Variants in CEP250 observed in about 807,000 individuals in gnomAD.
CEP250 encodes centrosome-associated protein CEP250.
Under a neutral mutation model 315.7 loss-of-function variants are expected in CEP250, and 242 were observed. The observed-to-expected ratio is 0.77, with a 90% confidence interval of 0.69 to 0.85. The LOEUF is 0.85. CEP250 is among the 40% of genes least tolerant of loss of function. The pLI is 0.00. For synonymous variants in CEP250, 1,088 were observed against 1,175.0 expected, an observed-to-expected ratio of 0.93 and a Z score of 1.51; for missense variants, 2,515 against 2,886.4, an observed-to-expected ratio of 0.87 and a Z score of 2.95.
chr20:35,491,083 C>T, intron 21 of CEP250, 129 bp from the exon 22 acceptor site: 2 of 1,164,774 alleles, frequency 1.7e-6, no homozygotes, highest in Non-Finnish European at 2.4e-6. Flanking sequence ...TGGGCTCAGA[C>T]CTTCCTTTGC....
intron 2 of CEP250, among the ~76,000 whole-genome samples, chr20:35,459,371 C>G (rs573054413): frequency 6.6e-6 from 1 of 152,156 alleles, no homozygotes; most frequent in South Asian, 2.1e-4. Context: ...TTGCAAGTTA[C>G]TGACAGCCAT....
Position 35,498,630 on chromosome 20 carries a change from C to T in CEP250, c.3691C>T (p.Pro1231Ser), listed in dbSNP as rs771313030. Reference sequence around the variant, plus strand: ...AGCTAGGAGCCTCTTTAAGAGAGGGCCCCTGCTGACTGCTCTCTCCGCTGA... The same window carrying T: ...AGCTAGGAGCCTCTTTAAGAGAGGGTCCCTGCTGACTGCTCTCTCCGCTGA... ...NGARSLFKRG[P>S]LLTALSAEAV... Residue 1231 changes from proline (P) to serine (S), a missense_variant, in exon 27 of 35, where the codon CCC (proline) becomes TCC (serine). Pro to Ser is a moderately conservative substitution (Grantham distance 74). Transcript: ENST00000397527. The T allele has an allele frequency of 1.2e-6, 2 of 1,606,640 alleles. No individual in the cohort carries two copies.
chr20:35,487,300 T>C (rs1162772298), intron 20 of CEP250, among the ~76,000 whole-genome samples: 2 of 151,800 alleles, frequency 1.3e-5, no homozygotes, highest in Non-Finnish European at 2.9e-5. Context: ...ACACCCCGTC[T>C]CTACTAAAAA....
At chr20:35,481,720 T>A (rs2146912278) in intron 20 of CEP250, among the ~76,000 whole-genome samples, 1 of 152,158 alleles carries the variant, frequency 6.6e-6, no homozygotes, top group East Asian at 1.9e-4. Flanking sequence ...ATTCTTTTAT[T>A]GAGGCAGGGT....
Position 35,508,953 on chromosome 20 carries a change from A to G in CEP250, c.6917A>G (p.Glu2306Gly). ...LRSTLEQVER[E>G]RRKLKREAMR... ...TTTGCACCTTGGCAGGTGGAGCGAG[A>G]ACGGAGGAAGCTGAAGAGGGAGGCC... Residue 2306 changes from glutamate to glycine, a missense_variant, in exon 33 of 35, where the codon GAA (glutamate) becomes GGA (glycine). By Grantham distance (98) the Glu-to-Gly change is moderately conservative (BLOSUM62 -2). Coordinates refer to ENST00000397527, the MANE Select transcript of CEP250 (RefSeq NM_007186.6). 1.3e-6 allele frequency: 2 copies of G among 1,554,024 alleles called. No homozygotes were observed. Among genetic ancestry groups the G allele is most frequent in the African/African-American group, 1.4e-5 (1 of 73,424 alleles).
Position 35,497,868 on chromosome 20 carries a change from A to G in CEP250, c.3456A>G (p.Leu1152=). ...LWAQEAKAAQ[L]QLRLRSTESQ... ...CCCAGGAAGCCAAGGCAGCCCAACT[A>G]CAGCTGCGACTGCGCAGCACAGAGA... is the stretch of plus-strand genomic sequence containing the variant. Residue 1152 remains leucine (L), a synonymous_variant, in exon 26 of 35, where the codon CTA becomes CTG. Transcript: ENST00000397527. 3 of 1,596,104 alleles carry G rather than the reference A, an allele frequency of 1.9e-6. No homozygotes were observed. The highest frequency in any genetic ancestry group is 1.7e-6 in the Non-Finnish European group (2 of 1,171,528).
chr20:35,459,585 G>C (rs2062709564), intron 2 of CEP250, among the ~76,000 whole-genome samples: 1 of 149,890 alleles, frequency 6.7e-6, no homozygotes, highest in Admixed American at 6.7e-5. Flanking sequence ...AGGAGTTCGA[G>C]ACAAGCTTAG....
chr20:35,507,728 C>T lies in CEP250; in HGVS notation c.6637-10C>T, dbSNP rs1178445848. On this transcript the variant is annotated splice_polypyrimidine_tract_variant and intron_variant, in intron 30 of 34. Coordinates refer to ENST00000397527, the MANE Select transcript of CEP250 (RefSeq NM_007186.6). ...AAGGTGTGATTTTGCTCCATACCTC[C>T]GTACCCTAGGATGAACTGGAGCTCA... 26 of 1,551,524 alleles carry T rather than the reference C, an allele frequency of 1.7e-5. No homozygotes were observed. Among genetic ancestry groups the T allele is most frequent in the East Asian group, 7.3e-5 (3 of 40,940 alleles).
chr20:35,508,157 C>T lies in CEP250; in HGVS notation c.6873C>T (p.Arg2291=), dbSNP rs371091002. 1.2e-6 allele frequency: 2 copies of T among 1,613,938 alleles called. No homozygotes were observed. The highest frequency in any genetic ancestry group is 1.7e-6 in the Non-Finnish European group (2 of 1,180,010). Residue 2291 remains arginine, a synonymous_variant, in exon 32 of 35, where the codon CGC becomes CGT. Transcript: ENST00000397527. The stretch of plus-strand genomic sequence containing the variant: ...AGATTGACAGGAGCAGGCTGCAGCG[C>T]CACAATGTCCAGCTGCGGAGTACCT... ...RLEIDRSRLQ[R]HNVQLRSTLE...
At chr20:35,460,489 A>G (rs915451643) in intron 3 of CEP250, among the ~76,000 whole-genome samples, 21 of 152,182 alleles carry the variant, frequency 1.4e-4, no homozygotes, top group African/African-American at 5.1e-4. Context: ...TGCCCTGTCT[A>G]AAGGGGGCAG....
At position 35,503,488 on chromosome 20, in the gene CEP250, C is replaced by G. The variant is rs774513754; in HGVS notation, c.5119C>G (p.Gln1707Glu). ...RELTTQRQLM[Q>E]ERAEEGKGPS... ...GCTGACCACTCAGAGGCAGCTGATG[C>G]AGGAACGGGCAGAGGAAGGGAAGGG... The change falls in exon 30 of 35, where the codon CAG becomes GAG. Residue 1707 changes from glutamine (Q) to glutamate (E), a missense_variant. Coordinates refer to ENST00000397527, the MANE Select transcript of CEP250 (RefSeq NM_007186.6). The surrounding 1 kb of genome is among the most constrained non-coding windows in gnomAD (Gnocchi z 4.2). 93 of 1,613,926 alleles carry G rather than the reference C, an allele frequency of 5.8e-5. 1 individual carries two copies. The South Asian group carries it at 9.9e-4, about 17-fold the overall frequency.
chr20:35,470,064 G>A, intron 10 of CEP250, 78 bp downstream of exon 10: 1 of 902,626 alleles, frequency 1.1e-6, no homozygotes, highest in Non-Finnish European at 1.8e-6. Flanking sequence ...GATAGTGCAG[G>A]ATACCAGTTA....
In CEP250 at chr20:35,493,492, C is replaced by T. The variant is rs369079762; in HGVS notation, c.2953C>T (p.Arg985Trp). 60 of 1,609,792 alleles carry T rather than the reference C, an allele frequency of 3.7e-5. No individual in the cohort carries two copies. In the African/African-American group the frequency reaches 4.0e-4, roughly 11 times the overall value. The change falls in exon 23 of 35, where the codon CGG becomes TGG. Residue 985 changes from arginine (R) to tryptophan (W), a missense_variant. Transcript: ENST00000397527. ...TCAACGGGAGCTGAAGGAGGCAGCC[C>T]GGCAGCACAGAGATGACCTTGCTGC... ...EAQRELKEAA[R>W]QHRDDLAALQ...
intron 13 of CEP250, 50 bp downstream of exon 13, chr20:35,473,602 A>C: frequency 1.3e-6 from 2 of 1,523,534 alleles, no homozygotes; most frequent in South Asian, 1.3e-5. Flanking sequence ...TCTCAGTCTC[A>C]GTCACCATCC....
chr20:35,486,654 G>A (rs183899935), intron 20 of CEP250, among the ~76,000 whole-genome samples: 27 of 152,150 alleles, frequency 1.8e-4, no homozygotes, highest in Non-Finnish European at 3.7e-4. Context: ...CATTTTTTGC[G>A]ATTTCGTAGC....
chr20:35,508,292 C>A, intron 32 of CEP250, 102 bp downstream of exon 32: 1 of 1,235,526 alleles, frequency 8.1e-7, no homozygotes, highest in Non-Finnish European at 1.1e-6. Context: ...ATCCAGCCTG[C>A]TGCCTGTTTC....
Position 35,503,081 on chromosome 20 carries a change from G to T in CEP250, c.4712G>T (p.Cys1571Phe). Residue 1571 changes from cysteine (C) to phenylalanine (F), a missense_variant, in exon 30 of 35, where the codon TGC becomes TTC. Physicochemically the swap from Cys to Phe is radical, Grantham distance 205. Coordinates refer to ENST00000397527, the MANE Select transcript of CEP250 (RefSeq NM_007186.6). The surrounding 1 kb of genome is among the most constrained non-coding windows in gnomAD (Gnocchi z 4.2). Reference protein sequence around the residue: ...ELEENHHKMECQQKLIKELEG... With the variant: ...ELEENHHKMEFQQKLIKELEG... ...GAGGAAAACCATCACAAGATGGAGT[G>T]CCAGCAAAAACTGATCAAGGAGCTG... The T allele has an allele frequency of 1.2e-6, 2 of 1,614,156 alleles. No individual in the cohort carries two copies. Among genetic ancestry groups the T allele is most frequent in the Admixed American group, 3.3e-5 (2 of 60,022 alleles).
rs775949950 is a variant in CEP250 at position 35,504,723 on chromosome 20, A to G, written c.6354A>G (p.Gln2118=). The change falls in exon 30 of 35, where the codon CAA becomes CAG. Residue 2118 remains glutamine, a synonymous_variant. Transcript: ENST00000397527. Reference sequence around the variant, plus strand: ...TTCTGGAGCTGAGGGAGACCCAGCAAAGGAACAACCTGGAAGCCTTACCCC... The same window carrying G: ...TTCTGGAGCTGAGGGAGACCCAGCAGAGGAACAACCTGGAAGCCTTACCCC... ...QEILELRETQ[Q]RNNLEALPHS... 1 of 1,614,190 alleles carries G rather than the reference A, an allele frequency of 6.2e-7. No homozygotes were observed. Among genetic ancestry groups the G allele is most frequent in the Admixed American group, 1.7e-5 (1 of 60,034 alleles).
chr20:35,511,152 T>C (rs1054842026), intron 34 of CEP250, among the ~76,000 whole-genome samples: 3 of 152,212 alleles, frequency 2.0e-5, no homozygotes, highest in Non-Finnish European at 4.4e-5. Flanking sequence ...TTGAGTCACA[T>C]GTGCAGCCAG....
Sources: allele counts gnomAD v4.1 joint callset (sites outside exome capture counted in the v4.1 genomes callset), GRCh38; gene constraint gnomAD v4.1.1; non-coding constraint Gnocchi (gnomAD v3.1); transcripts MANE v1.5; gene names NCBI Gene and HGNC (gene_info 2026-07-23, HGNC 2026-07-21).